Variants in MARCHF3 observed in about 807,000 individuals in gnomAD.
The protein encoded by MARCHF3 is membrane associated ring-CH-type finger 3.
Under a neutral mutation model 24.2 loss-of-function variants are expected in MARCHF3, and 13 were observed. That is an observed-to-expected ratio of 0.54 (90% CI 0.35 to 0.85). MARCHF3 has a LOEUF of 0.85. MARCHF3 is among the 40% of genes least tolerant of loss of function. The probability of loss-of-function intolerance (pLI) is 0.01; values close to 1 mark genes in which losing one functional copy is unlikely to be tolerated. For synonymous variants in MARCHF3, 144 were observed against 137.3 expected (o/e 1.05, Z -0.34); for missense variants, 276 against 325.0 (o/e 0.85, Z 1.16).
intron 1 of MARCHF3, among the ~76,000 whole-genome samples, chr5:127,014,356 G>A (rs1752564586): frequency 6.6e-6 from 1 of 152,044 alleles, no homozygotes; most frequent in Non-Finnish European, 1.5e-5. Flanking sequence ...CACTGCTGGT[G>A]GTAATGTAAA....
intron 1 of MARCHF3, among the ~76,000 whole-genome samples, chr5:126,981,281 T>TCTACC (rs1751386272): frequency 6.6e-6 from 1 of 152,206 alleles, no homozygotes; most frequent in African/African-American, 2.4e-5. Flanking sequence ...GTAGGGGGAC[T>TCTACC]CTACCTCCCC....
At chr5:127,010,960 T>C (rs1017478899) in intron 1 of MARCHF3, among the ~76,000 whole-genome samples, 1 of 152,136 alleles carries the variant, frequency 6.6e-6, no homozygotes, top group African/African-American at 2.4e-5. Context: ...TTGCACAATA[T>C]TATGAATGTA....
Position 126,977,002 on chromosome 5 carries a change from G to A in MARCHF3, c.-57+53348C>T, listed in dbSNP as rs185206815. ...ATGAGAGGTGATGCCTGCTCTTAAT[G>A]CCCTGCTATCAGGCCACATTTGGAG... On this transcript the variant is annotated intron_variant, in intron 1 of 4. Coordinates refer to ENST00000308660, the MANE Select transcript of MARCHF3 (RefSeq NM_178450.5). Among the ~76,000 whole-genome samples the A allele has an allele frequency of 3.0e-4, 45 of 152,346 alleles. 1 individual carries two copies. Among genetic ancestry groups the A allele is most frequent in the Admixed American group, 3.3e-4 (5 of 15,298 alleles).
chr5:127,010,700 T>C (rs1365380786), intron 1 of MARCHF3, among the ~76,000 whole-genome samples: 4 of 152,190 alleles, frequency 2.6e-5, no homozygotes, highest in African/African-American at 7.2e-5. Flanking sequence ...ACTGTCAAAA[T>C]ACTTTTTCCA....
rs1752905923 is a variant in MARCHF3, at chr5:126,869,847, A to C, written c.*786T>G. On this transcript the variant is annotated 3_prime_UTR_variant, in exon 5 of 5. Transcript: ENST00000308660. ...TTTATCATTAAAAAAAGAGTATTGC[A>C]ATCAGTGGGTTTTGTCTTTCACACA... 6.6e-6 allele frequency: 1 copy of C among 152,460 alleles called. No individual in the cohort carries two copies. Among genetic ancestry groups the C allele is most frequent in the Non-Finnish European group, 1.5e-5 (1 of 68,016 alleles). 9.4% of individuals were successfully genotyped at this position (152,460 alleles called of 1,614,324 possible).
At chr5:126,873,762 T>A (rs1252447802) in intron 4 of MARCHF3, among the ~76,000 whole-genome samples, 2 of 152,248 alleles carry the variant, frequency 1.3e-5, no homozygotes, top group South Asian at 4.1e-4. Context: ...GGTTAATCAC[T>A]ACAGTCTGCA....
At chr5:126,873,907 C>T (rs1013660555) in intron 4 of MARCHF3, among the ~76,000 whole-genome samples, 3 of 152,152 alleles carry the variant, frequency 2.0e-5, no homozygotes, top group Non-Finnish European at 2.9e-5. Flanking sequence ...TCTCTAGATG[C>T]TCCAAGACAC....
chr5:126,954,838 A>G (rs142141715), intron 1 of MARCHF3, among the ~76,000 whole-genome samples: 1 of 152,214 alleles, frequency 6.6e-6, no homozygotes, highest in East Asian at 1.9e-4. Context: ...CTGTTTCCCA[A>G]TGCCTACCCT....
chr5:127,011,744 C>T (rs556545855), intron 1 of MARCHF3, among the ~76,000 whole-genome samples: 1 of 152,270 alleles, frequency 6.6e-6, no homozygotes, highest in African/African-American at 2.4e-5. Context: ...GTTGGTTATT[C>T]CTTGTTAACA....
chr5:127,006,019 T>G (rs1039341007), intron 1 of MARCHF3, among the ~76,000 whole-genome samples: 18 of 152,114 alleles, frequency 1.2e-4, no homozygotes, highest in African/African-American at 3.9e-4. Flanking sequence ...CTGGCCAACA[T>G]GGTGAAACCC....
intron 1 of MARCHF3, among the ~76,000 whole-genome samples, chr5:126,922,552 ATTAT>A (rs1554065933): frequency 2.7e-5 from 3 of 111,042 alleles, no homozygotes; most frequent in South Asian, 3.2e-4. Context: ...TTATTTATTT[ATTAT>A]TTATTTTTGA....
intron 1 of MARCHF3, among the ~76,000 whole-genome samples, chr5:126,971,258 G>A (rs1267114347): frequency 1.3e-5 from 2 of 151,760 alleles, no homozygotes; most frequent in Non-Finnish European, 2.9e-5. Flanking sequence ...GACCATCCTG[G>A]CTAGCATGGT....
intron 4 of MARCHF3, among the ~76,000 whole-genome samples, chr5:126,874,258 G>GAA (rs1387623041): frequency 2.0e-5 from 3 of 152,274 alleles, no homozygotes; most frequent in African/African-American, 7.2e-5. Flanking sequence ...TCCCATTAGG[G>GAA]AGGTGACTGC....
At chr5:126,900,519 G>A (rs1221890106) in intron 3 of MARCHF3, among the ~76,000 whole-genome samples, 1 of 151,804 alleles carries the variant, frequency 6.6e-6, no homozygotes, top group Non-Finnish European at 1.5e-5. Context: ...ACCCTCACTA[G>A]AACCCAACTA....
At chr5:126,903,075 A>G (rs1374733264) in intron 3 of MARCHF3, among the ~76,000 whole-genome samples, 1 of 152,130 alleles carries the variant, frequency 6.6e-6, no homozygotes, top group Non-Finnish European at 1.5e-5. Flanking sequence ...CAGCTCACTT[A>G]TAATGTGGGC....
intron 3 of MARCHF3, among the ~76,000 whole-genome samples, chr5:126,907,736 C>T (rs1410444585): frequency 1.4e-5 from 2 of 147,388 alleles, no homozygotes; most frequent in Non-Finnish European, 1.5e-5. Context: ...GATGGGTTTC[C>T]TGAATACAGC....
At chr5:127,003,983 TGAGG>T (rs1752223423) in intron 1 of MARCHF3, among the ~76,000 whole-genome samples, 1 of 152,046 alleles carries the variant, frequency 6.6e-6, no homozygotes. Flanking sequence ...GGGGAGTGGC[TGAGG>T]GAGGCTGGGG....
At chr5:126,971,229 C>T (rs561751945) in intron 1 of MARCHF3, among the ~76,000 whole-genome samples, 4 of 152,082 alleles carry the variant, frequency 2.6e-5, no homozygotes, top group Admixed American at 2.6e-4. Flanking sequence ...GCGGGCAGAT[C>T]ATGAGGTCAG....
At chr5:127,025,015 A>G (rs1752948403) in intron 1 of MARCHF3, among the ~76,000 whole-genome samples, 1 of 152,228 alleles carries the variant, frequency 6.6e-6, no homozygotes, top group Admixed American at 6.5e-5. Flanking sequence ...TGCAACAGTG[A>G]GCAATAAATA....
Sources: gnomAD v4.1 joint callset for allele counts (sites outside exome capture counted in the v4.1 genomes callset) on GRCh38, gnomAD v4.1.1 for gene constraint, MANE v1.5 for transcripts, NCBI Gene and HGNC (gene_info 2026-07-23, HGNC 2026-07-21) for gene names.